Variants in LRRC4C observed in about 807,000 individuals in gnomAD.
LRRC4C encodes leucine rich repeat containing 4C.
A neutral mutation model predicts 33.6 loss-of-function variants in LRRC4C; 5 were observed. That is an observed-to-expected ratio of 0.15 (90% CI 0.08 to 0.31). The LOEUF is 0.31. Among genes scored for constraint, LRRC4C ranks in the 10% least tolerant of loss-of-function variants. The pLI, the probability that LRRC4C is intolerant of heterozygous loss-of-function variation, is 1.00. For missense variants in LRRC4C, 560 were observed against 796.7 expected (o/e 0.70, Z 3.58); for synonymous variants, 329 against 302.0 (o/e 1.09, Z -0.93).
rs998274742 is a variant in LRRC4C, at chr11:41,036,141, G to T, written c.-495-102418C>A. Among the ~76,000 whole-genome samples the T allele has an allele frequency of 4.6e-5, 7 of 152,146 alleles. No individual in the cohort carries two copies. The South Asian group carries it at 1.5e-3, about 32-fold the overall frequency. On this transcript the variant is annotated intron_variant, in intron 1 of 6. Transcript: ENST00000528697. ...GAGATTTCTATGAGGGTTGGAATGT[G>T]AATAATTATTCAATAATTATGGTCA...
intron 3 of LRRC4C, among the ~76,000 whole-genome samples, chr11:40,353,503 G>T (rs1263737148): frequency 1.3e-5 from 2 of 152,040 alleles, no homozygotes; most frequent in Non-Finnish European, 2.9e-5. Flanking sequence ...GTTCACTTGA[G>T]GCCAAAAGTT....
Position 40,515,625 on chromosome 11 carries a change from C to T in LRRC4C, c.-270+132517G>A, listed in dbSNP as rs12287309. 6.7e-3 allele frequency among the ~76,000 whole-genome samples: 1,018 copies of T among 152,032 alleles called. 16 individuals carry two copies. Among genetic ancestry groups the T allele is most frequent in the African/African-American group, 0.024 (976 of 41,522 alleles). On this transcript the variant is annotated intron_variant, in intron 3 of 6. Coordinates refer to ENST00000528697, the MANE Select transcript of LRRC4C (RefSeq NM_001258419.2). ...CTAAGAGTAGATTTCTAATTTTGTT[C>T]AGTTTTGTTGATATCTGTACTAGAC...
rs755865883 is a variant in LRRC4C at position 40,180,509 on chromosome 11, C to T, written c.-95-39656G>A. Among the ~76,000 whole-genome samples, 16 of 152,222 alleles carry T rather than the reference C, an allele frequency of 1.1e-4. No homozygotes were observed. In the East Asian group the frequency reaches 1.4e-3, roughly 13 times the overall value. Reference sequence around the variant, plus strand: ...GCAGCATTACCAGAAGTATGTTCTACGTGACATGAACCAAATCAATAGCAC... The same window carrying T: ...GCAGCATTACCAGAAGTATGTTCTATGTGACATGAACCAAATCAATAGCAC... On this transcript the variant is annotated intron_variant, in intron 5 of 6. Coordinates refer to ENST00000528697, the MANE Select transcript of LRRC4C (RefSeq NM_001258419.2).
At chr11:41,129,176 A>G (rs1228056273) in intron 1 of LRRC4C, among the ~76,000 whole-genome samples, 1 of 151,962 alleles carries the variant, frequency 6.6e-6, no homozygotes, top group Non-Finnish European at 1.5e-5. Context: ...AAATAGAATT[A>G]AAAAAGAAAA....
intron 2 of LRRC4C, among the ~76,000 whole-genome samples, chr11:40,805,772 T>A (rs1276376786): frequency 3.9e-5 from 6 of 152,162 alleles, no homozygotes; most frequent in Admixed American, 3.9e-4. Flanking sequence ...TTAGTATTAA[T>A]CACTATTGGT....
chr11:41,121,334 T>C (rs1377633206), intron 1 of LRRC4C, among the ~76,000 whole-genome samples: 1 of 152,182 alleles, frequency 6.6e-6, no homozygotes, highest in Non-Finnish European at 1.5e-5. Context: ...TCTCTCACAC[T>C]GATTTGGGGT....
At chr11:40,569,118 T>C (rs1957876156) in intron 3 of LRRC4C, among the ~76,000 whole-genome samples, 1 of 152,170 alleles carries the variant, frequency 6.6e-6, no homozygotes. Flanking sequence ...ATTTGAGATC[T>C]ACTGATGAGA....
intron 2 of LRRC4C, among the ~76,000 whole-genome samples, chr11:40,815,006 G>A (rs1019893748): frequency 2.6e-5 from 4 of 151,996 alleles, no homozygotes; most frequent in South Asian, 2.1e-4. Flanking sequence ...TTCCAAAGTC[G>A]CTTCCACATT....
intron 3 of LRRC4C, among the ~76,000 whole-genome samples, chr11:40,635,106 A>G (rs865962121): frequency 6.6e-6 from 1 of 152,164 alleles, no homozygotes; most frequent in Non-Finnish European, 1.5e-5. Context: ...CAACACTCCT[A>G]TACCTCCAGG....
intron 2 of LRRC4C, among the ~76,000 whole-genome samples, chr11:40,836,974 C>G (rs549336337): frequency 3.6e-4 from 55 of 152,282 alleles, no homozygotes; most frequent in African/African-American, 1.3e-3. Context: ...TCACTAGTGA[C>G]ATGGCCTGTA....
chr11:40,508,337 A>T (rs1455012705), intron 3 of LRRC4C, among the ~76,000 whole-genome samples: 2 of 152,164 alleles, frequency 1.3e-5, no homozygotes, highest in African/African-American at 4.8e-5. Context: ...TTATAATAAA[A>T]AATCATATAA....
intron 3 of LRRC4C, among the ~76,000 whole-genome samples, chr11:40,593,560 TA>T (rs757418156): frequency 3.9e-5 from 6 of 152,204 alleles, no homozygotes; most frequent in Non-Finnish European, 5.9e-5. Flanking sequence ...TGCAGGGATG[TA>T]GTGAGAATTG....
intron 3 of LRRC4C, among the ~76,000 whole-genome samples, chr11:40,441,692 T>G (rs1951403042): frequency 6.6e-6 from 1 of 152,202 alleles, no homozygotes; most frequent in African/African-American, 2.4e-5. Flanking sequence ...ATCTGAGTTT[T>G]TTGAAGTCTT....
intron 2 of LRRC4C, among the ~76,000 whole-genome samples, chr11:40,767,077 G>A (rs763700887): frequency 5.9e-5 from 9 of 151,528 alleles, no homozygotes; most frequent in East Asian, 1.9e-4. Flanking sequence ...GTTTCCTACC[G>A]AAAGCATACT....
intron 2 of LRRC4C, among the ~76,000 whole-genome samples, chr11:40,859,220 C>T (rs1953955444): frequency 6.6e-6 from 1 of 151,998 alleles, no homozygotes; most frequent in Non-Finnish European, 1.5e-5. Flanking sequence ...AGAGTCCAAG[C>T]CATTAGTTTT....
chr11:40,900,134 C>T (rs1281261747), intron 2 of LRRC4C, among the ~76,000 whole-genome samples: 1 of 152,040 alleles, frequency 6.6e-6, no homozygotes, highest in Non-Finnish European at 1.5e-5. Context: ...GCTTTCCCTT[C>T]TTCATGCTTA....
At chr11:40,560,047 G>A (rs1431912449) in intron 3 of LRRC4C, among the ~76,000 whole-genome samples, 3 of 152,084 alleles carry the variant, frequency 2.0e-5, no homozygotes, top group Non-Finnish European at 2.9e-5. Flanking sequence ...CCAGTTAAGA[G>A]CCCATTTTAT....
intron 1 of LRRC4C, among the ~76,000 whole-genome samples, chr11:41,364,759 T>C (rs1952474909): frequency 6.6e-6 from 1 of 152,206 alleles, no homozygotes; most frequent in African/African-American, 2.4e-5. Flanking sequence ...GAATAATGTG[T>C]CTGAGTCAAA....
intron 2 of LRRC4C, among the ~76,000 whole-genome samples, chr11:40,843,519 ACTCT>A (rs1216577747): frequency 6.6e-6 from 1 of 151,588 alleles, no homozygotes. Context: ...TCTCTTTCTC[ACTCT>A]CTCTGATGAA....
Sources: gnomAD v4.1 joint callset for allele counts (sites outside exome capture counted in the v4.1 genomes callset) on GRCh38, gnomAD v4.1.1 for gene constraint, MANE v1.5 for transcripts, NCBI Gene and HGNC (gene_info 2026-07-23, HGNC 2026-07-21) for gene names.